Variants in TSGA10 observed in about 807,000 individuals in gnomAD.
TSGA10 encodes the protein testis specific 10.
In TSGA10, 43 loss-of-function variants were observed where a neutral mutation model predicts 96.6. The ratio of observed to expected loss-of-function variants is 0.44; its 90% CI spans 0.35 to 0.57. The LOEUF (loss-of-function observed/expected upper bound fraction) is 0.57, where lower values mean the gene tolerates loss of function less well. TSGA10 is among the 20% of genes least tolerant of loss of function. TSGA10 has a pLI of 0.01. For synonymous variants in TSGA10, 229 were observed against 269.9 expected (o/e 0.85, Z 1.48); for missense variants, 703 against 834.4 (o/e 0.84, Z 1.94).
In TSGA10 at chr2:99,141,171, G is replaced by A. The variant is rs1048398752; in HGVS notation, c.-621+13522C>T. ...GACTGTCAGCTCTCGGCCTCAGCGG[G>A]GGATACAAGAACCGCCCACTCTCCA... On this transcript the variant is annotated intron_variant, in intron 1 of 20. Transcript: ENST00000393483. 38 of 1,254,474 alleles carry A rather than the reference G, an allele frequency of 3.0e-5. No individual in the cohort carries two copies. The East Asian group carries it at 8.9e-4, about 29-fold the overall frequency. The allele number at this position is 1,254,474 out of a possible 1,614,324, so 77.7% of individuals were successfully genotyped here. A position where few individuals can be genotyped will look rare whatever the true frequency, so the allele number is the denominator to read the frequency against.
chr2:99,122,053 C>G (rs1186518689), intron 2 of TSGA10, among the ~76,000 whole-genome samples: 2 of 152,202 alleles, frequency 1.3e-5, no homozygotes, highest in African/African-American at 2.4e-5. Flanking sequence ...ATCTGCATCT[C>G]TGTCAAAAAA....
chr2:99,084,633 G>A (rs2088016505), intron 10 of TSGA10, among the ~76,000 whole-genome samples: 1 of 151,978 alleles, frequency 6.6e-6, no homozygotes, highest in Non-Finnish European at 1.5e-5. Context: ...TTTCTTTATG[G>A]CAACACAAGA....
chr2:99,074,050 A>AG (rs2086353910), intron 12 of TSGA10, among the ~76,000 whole-genome samples: 1 of 49,432 alleles, frequency 2.0e-5, no homozygotes, highest in Non-Finnish European at 3.5e-5. Flanking sequence ...TTTGCTCTTG[A>AG]TGCCCCGGCT....
intron 15 of TSGA10, among the ~76,000 whole-genome samples, chr2:99,068,223 A>G (rs543211541): frequency 4.6e-5 from 7 of 152,218 alleles, no homozygotes; most frequent in Non-Finnish European, 7.3e-5. Context: ...GTGGACTGAC[A>G]TGAAATGATA....
intron 17 of TSGA10, among the ~76,000 whole-genome samples, chr2:99,021,987 C>G (rs534801290): frequency 2.0e-5 from 3 of 152,172 alleles, no homozygotes; most frequent in African/African-American, 7.2e-5. Flanking sequence ...CACAGTTGTA[C>G]AATCGTTACC....
At chr2:99,073,205 C>G in intron 12 of TSGA10, 132 bp from the exon 13 acceptor site, 3 of 589,768 alleles carry the variant, frequency 5.1e-6, no homozygotes, top group Non-Finnish European at 9.0e-6. Context: ...ATGTCCTATT[C>G]TTTTCCACAC....
chr2:99,025,185 A>G (rs1430206903), intron 17 of TSGA10, among the ~76,000 whole-genome samples: 1 of 152,220 alleles, frequency 6.6e-6, no homozygotes, highest in Admixed American at 6.5e-5. Context: ...TACTTTTGGA[A>G]GAGTTTGCAA....
chr2:99,070,479 T>G (rs1231283600), intron 14 of TSGA10, among the ~76,000 whole-genome samples: 1 of 152,164 alleles, frequency 6.6e-6, no homozygotes, highest in Admixed American at 6.5e-5. Context: ...AATTTTTAAG[T>G]GCACTGTATA....
chr2:99,009,575 A>G, intron 20 of TSGA10, among the ~76,000 whole-genome samples: 1 of 149,496 alleles, frequency 6.7e-6, no homozygotes, highest in African/African-American at 2.4e-5. Context: ...CTGTCTCAAA[A>G]AAAAAAAAAA....
At chr2:99,137,704 T>C (rs1482378322) in intron 1 of TSGA10, among the ~76,000 whole-genome samples, 1 of 151,974 alleles carries the variant, frequency 6.6e-6, no homozygotes, top group Non-Finnish European at 1.5e-5. Flanking sequence ...TTGCAGTATT[T>C]TAGGTGGGAG....
At chr2:99,002,550 A>G (rs59757913) in intron 20 of TSGA10, among the ~76,000 whole-genome samples, 3 of 152,070 alleles carry the variant, frequency 2.0e-5, no homozygotes, top group Admixed American at 6.6e-5. Context: ...TGTAAAGACC[A>G]TCGAGGCTAA....
chr2:99,061,072 T>C (rs551557349), intron 16 of TSGA10, among the ~76,000 whole-genome samples: 7 of 152,108 alleles, frequency 4.6e-5, no homozygotes, highest in Non-Finnish European at 1.0e-4. Context: ...TCATCAAAAA[T>C]GTAAAACTTC....
intron 17 of TSGA10, among the ~76,000 whole-genome samples, chr2:99,025,341 A>C (rs1319967262): frequency 6.6e-6 from 1 of 152,110 alleles, no homozygotes; most frequent in Non-Finnish European, 1.5e-5. Context: ...ACTTTTCCTT[A>C]AGTCAGTTTT....
chr2:99,130,706 G>A (rs2093038572), intron 1 of TSGA10, among the ~76,000 whole-genome samples: 2 of 152,184 alleles, frequency 1.3e-5, no homozygotes, highest in South Asian at 4.1e-4. Context: ...CCATGCCTAT[G>A]TCCTAAATGG....
At chr2:99,051,097 G>A (rs1001235781) in intron 16 of TSGA10, among the ~76,000 whole-genome samples, 7 of 152,066 alleles carry the variant, frequency 4.6e-5, no homozygotes, top group African/African-American at 9.7e-5. Context: ...AGAAACTGCC[G>A]AATGGCACAT....
intron 10 of TSGA10, among the ~76,000 whole-genome samples, chr2:99,100,823 A>AC (rs1399058364): frequency 9.3e-5 from 14 of 150,912 alleles, no homozygotes; most frequent in Admixed American, 8.6e-4. Flanking sequence ...CCGTCTCAAA[A>AC]AAAAAAAAAA....
At chr2:99,025,536 T>C (rs2080485794) in intron 17 of TSGA10, among the ~76,000 whole-genome samples, 1 of 152,180 alleles carries the variant, frequency 6.6e-6, no homozygotes, top group Non-Finnish European at 1.5e-5. Context: ...ATTTTGTTGG[T>C]ATTCTGAAAG....
At chr2:99,088,315 ATATTT>A (rs2088827927) in intron 10 of TSGA10, among the ~76,000 whole-genome samples, 1 of 152,194 alleles carries the variant, frequency 6.6e-6, no homozygotes, top group Admixed American at 6.5e-5. Context: ...TATTGTTGTT[ATATTT>A]TATTATTAGT....
intron 10 of TSGA10, among the ~76,000 whole-genome samples, chr2:99,093,882 C>T (rs981987451): frequency 2.0e-5 from 3 of 152,066 alleles, no homozygotes; most frequent in African/African-American, 7.2e-5. Context: ...CATCTTTCTT[C>T]ACAGAACTAG....
Sources: gnomAD v4.1 joint callset for allele counts (sites outside exome capture counted in the v4.1 genomes callset) on GRCh38, gnomAD v4.1.1 for gene constraint, MANE v1.5 for transcripts, NCBI Gene and HGNC (gene_info 2026-07-23, HGNC 2026-07-21) for gene names.